TBX21: variants seen among roughly 807,000 people sequenced by gnomAD.
The protein encoded by TBX21 is T-box transcription factor TBX21.
Under a neutral mutation model 52.2 loss-of-function variants are expected in TBX21, and 11 were observed. That is an observed-to-expected ratio of 0.21 (90% CI 0.13 to 0.35). The LOEUF (loss-of-function observed/expected upper bound fraction) is 0.35, where lower values mean the gene tolerates loss of function less well. TBX21 is among the 10% of genes least tolerant of loss of function. TBX21 has a pLI of 1.00. For synonymous variants in TBX21, 300 were observed against 316.1 expected (o/e 0.95, Z 0.54); for missense variants, 625 against 755.1 (o/e 0.83, Z 2.02).
intron 1 of TBX21, among the ~76,000 whole-genome samples, chr17:47,734,589 GTGT>G (rs1567918881): frequency 7.1e-5 from 10 of 140,442 alleles, no homozygotes; most frequent in African/African-American, 2.7e-4. Flanking sequence ...GTGTGTGTGT[GTGT>G]GTGTGTGTGT....
At chr17:47,735,117 A>G (rs763972252) in intron 1 of TBX21, among the ~76,000 whole-genome samples, 3 of 152,000 alleles carry the variant, frequency 2.0e-5, no homozygotes, top group African/African-American at 4.8e-5. Flanking sequence ...GCTGGGTCCC[A>G]GGTCCGAGAG....
intron 1 of TBX21, among the ~76,000 whole-genome samples, chr17:47,736,923 T>C (rs1424765270): frequency 6.6e-6 from 1 of 152,158 alleles, no homozygotes; most frequent in Non-Finnish European, 1.5e-5. Context: ...TGCCTTGAGC[T>C]GACTCACGCC....
At chr17:47,735,224 A>T (rs749907191) in intron 1 of TBX21, among the ~76,000 whole-genome samples, 5 of 152,072 alleles carry the variant, frequency 3.3e-5, no homozygotes, top group Admixed American at 6.5e-5. Context: ...TTGCTGGAAC[A>T]TTCTTCCCTC....
rs183871919 is a variant in TBX21, at chr17:47,738,410, G to A, written c.492-4200G>A. Reference sequence around the variant, plus strand: ...TTTGTCTGGCTGTTTGCCAGTGGCTGTCTGAGTCTATTAAGTGGATCTGAG... The same window carrying A: ...TTTGTCTGGCTGTTTGCCAGTGGCTATCTGAGTCTATTAAGTGGATCTGAG... On this transcript the variant is annotated intron_variant, in intron 1 of 5. Coordinates refer to ENST00000177694, the MANE Select transcript of TBX21 (RefSeq NM_013351.2). 2.4e-3 allele frequency among the ~76,000 whole-genome samples: 366 copies of A among 152,264 alleles called. 3 individuals are homozygous for A. Among genetic ancestry groups the A allele is most frequent in the African/African-American group, 7.9e-3 (327 of 41,548 alleles).
At chr17:47,735,123 G>C (rs1203612521) in intron 1 of TBX21, among the ~76,000 whole-genome samples, 1 of 152,146 alleles carries the variant, frequency 6.6e-6, no homozygotes, top group Non-Finnish European at 1.5e-5. Context: ...TCCCAGGTCC[G>C]AGAGGTGTGG....
intron 1 of TBX21, among the ~76,000 whole-genome samples, chr17:47,736,356 AT>A (rs2032206694): frequency 6.6e-6 from 1 of 152,152 alleles, no homozygotes; most frequent in South Asian, 2.1e-4. Context: ...CATTCTAGAT[AT>A]TATTTTATCT....
chr17:47,738,077 C>T (rs1214105277), intron 1 of TBX21, among the ~76,000 whole-genome samples: 2 of 152,106 alleles, frequency 1.3e-5, no homozygotes, highest in African/African-American at 4.8e-5. Flanking sequence ...AGCCATTGTG[C>T]CCAGCTAAAA....
rs1357881317 is a variant in TBX21, at chr17:47,733,597, G to A, written c.143G>A (p.Arg48His). ...CCGGGCGCGCAGGACGCGGACGAGC[G>A]TCGCGGGGGCGGCAGCCTGGGGTCT... ...PEPGAQDADE[R>H]RGGGSLGSPY... Residue 48 changes from arginine to histidine, a missense_variant, in exon 1 of 6, where the codon CGT (arginine) becomes CAT (histidine). Coordinates refer to ENST00000177694, the MANE Select transcript of TBX21 (RefSeq NM_013351.2). This position sits in a 1 kb window ranked among gnomAD's most constrained non-coding sequence, Gnocchi z 6.6. 2 of 1,452,894 alleles carry A rather than the reference G, an allele frequency of 1.4e-6. No homozygotes were observed. Among genetic ancestry groups the A allele is most frequent in the Non-Finnish European group, 9.0e-7 (1 of 1,111,150 alleles). The allele number at this position is 1,452,894 out of a possible 1,614,324, so 90.0% of individuals were successfully genotyped here.
chr17:47,733,615 T>G lies in TBX21; in HGVS notation c.161T>G (p.Leu54Arg). 2.1e-6 allele frequency: 3 copies of G among 1,453,566 alleles called. No homozygotes were observed. Among genetic ancestry groups the G allele is most frequent in the Non-Finnish European group, 2.7e-6 (3 of 1,109,848 alleles). 90.0% of individuals were successfully genotyped at this position (1,453,566 alleles called of 1,614,324 possible). A position where few individuals can be genotyped will look rare whatever the true frequency, so the allele number is the denominator to read the frequency against. ...DADERRGGGSLGSPYPGGALV... is the reference protein window; with the variant it reads ...DADERRGGGSRGSPYPGGALV... ...GACGAGCGTCGCGGGGGCGGCAGCC[T>G]GGGGTCTCCCTACCCGGGGGGCGCC... The change falls in exon 1 of 6, where the codon CTG (leucine) becomes CGG (arginine). Residue 54 changes from leucine (L) to arginine (R), a missense_variant. Transcript: ENST00000177694. The surrounding 1 kb of genome is among the most constrained non-coding windows in gnomAD (Gnocchi z 6.6).
chr17:47,737,032 C>T (rs2032214632), intron 1 of TBX21, among the ~76,000 whole-genome samples: 1 of 152,106 alleles, frequency 6.6e-6, no homozygotes, highest in Admixed American at 6.5e-5. Flanking sequence ...TGGGGCAGGG[C>T]ACAGGGGGTG....
At chr17:47,743,344 A>G in intron 3 of TBX21, 152 bp downstream of exon 3, 1 of 1,091,644 alleles carries the variant, frequency 9.2e-7, no homozygotes, top group Non-Finnish European at 1.3e-6. Context: ...TCCTAAACGA[A>G]GGGTCATTTT....
rs2032165134 is a variant in TBX21 at position 47,733,545 on chromosome 17, C to G, written c.91C>G (p.Pro31Ala). 4 of 1,490,224 alleles carry G rather than the reference C, an allele frequency of 2.7e-6. No homozygotes were observed. The highest frequency in any genetic ancestry group is 2.7e-6 in the Non-Finnish European group (3 of 1,126,858). 92.3% of individuals were successfully genotyped at this position (1,490,224 alleles called of 1,614,324 possible). A position where few individuals can be genotyped will look rare whatever the true frequency, so the allele number is the denominator to read the frequency against. The change falls in exon 1 of 6, where the codon CCG (proline) becomes GCG (alanine). Residue 31 changes from proline (P) to alanine (A), a missense_variant. Physicochemically the swap from Pro to Ala is conservative, Grantham distance 27 (BLOSUM62 -1). Around this residue, in one of 4 missense-constraint regions of TBX21, gnomAD observed 221 missense variants for 204.9 expected, o/e 1.08. Transcript: ENST00000177694. This position sits in a 1 kb window ranked among gnomAD's most constrained non-coding sequence, Gnocchi z 6.6. Reference protein sequence around the residue: ...SDEGRAPGADPQHRYFYPEPG... With the variant: ...SDEGRAPGADAQHRYFYPEPG... The stretch of plus-strand genomic sequence containing the variant: ...CGAGGGCCGGGCGCCTGGCGCCGAC[C>G]CGCAGCACCGCTACTTCTACCCGGA...
intron 4 of TBX21, 44 bp downstream of exon 4, chr17:47,744,397 G>A (rs764964848): frequency 1.9e-6 from 3 of 1,613,966 alleles, no homozygotes; most frequent in Admixed American, 3.3e-5. Context: ...GCAGAGTGGG[G>A]CCCACTGTCT....
intron 3 of TBX21, among the ~76,000 whole-genome samples, chr17:47,743,855 G>T (rs2032295449): frequency 6.7e-6 from 1 of 148,992 alleles, no homozygotes; most frequent in African/African-American, 2.5e-5. Context: ...ACTCCAGCCT[G>T]GGTGACAGAG....
chr17:47,733,871 C>T lies in TBX21; in HGVS notation c.417C>T (p.Val139=), dbSNP rs533663130. 11 of 1,613,140 alleles carry T rather than the reference C, an allele frequency of 6.8e-6. No individual in the cohort carries two copies. The South Asian group carries it at 1.2e-4, about 18-fold the overall frequency. The part of the protein sequence containing the change: ...AGLEVSGKLR[V]ALNNHLLWSK... ...TGGAGGTGTCGGGGAAACTGAGGGTCGCGCTCAACAACCACCTGTTGTGGT... is the reference window on the plus strand; with the variant it reads ...TGGAGGTGTCGGGGAAACTGAGGGTTGCGCTCAACAACCACCTGTTGTGGT... The change falls in exon 1 of 6, where the codon GTC becomes GTT. Residue 139 remains valine, a synonymous_variant. Transcript: ENST00000177694. The surrounding 1 kb of genome is among the most constrained non-coding windows in gnomAD (Gnocchi z 6.6).
chr17:47,742,295 T>A lies in TBX21; in HGVS notation c.492-315T>A, dbSNP rs1173628600. ...CGGGGTTTCGCCATGTTGGCCAGGC[T>A]GGTCTCGAACTCCTGACCTCAGGTG... On this transcript the variant is annotated intron_variant, in intron 1 of 5. Transcript: ENST00000177694. This position sits in a 1 kb window ranked among gnomAD's most constrained non-coding sequence, Gnocchi z 4.4. Among the ~76,000 whole-genome samples, 1 of 152,200 alleles carries A rather than the reference T, an allele frequency of 6.6e-6. No homozygotes were observed. The highest frequency in any genetic ancestry group is 1.5e-5 in the Non-Finnish European group (1 of 68,030).
intron 1 of TBX21, among the ~76,000 whole-genome samples, chr17:47,736,858 T>A (rs1012122494): frequency 2.0e-5 from 3 of 152,140 alleles, no homozygotes; most frequent in African/African-American, 7.2e-5. Flanking sequence ...CTTCTTCCTT[T>A]TTGAAAGGTT....
rs1018003958 is a variant in TBX21 at position 47,733,928 on chromosome 17, C to T, written c.474C>T (p.Ile158=). 2 of 1,613,444 alleles carry T rather than the reference C, an allele frequency of 1.2e-6. No homozygotes were observed. The highest frequency in any genetic ancestry group is 3.3e-5 in the Admixed American group (2 of 60,010). ...SKFNQHQTEM[I]ITKQGRRMFP... ...TTAATCAGCACCAGACAGAGATGAT[C>T]ATCACCAAGCAGGGACGGTGAGTGC... Residue 158 remains isoleucine, a synonymous_variant, in exon 1 of 6, where the codon ATC becomes ATT. Coordinates refer to ENST00000177694, the MANE Select transcript of TBX21 (RefSeq NM_013351.2). This position sits in a 1 kb window ranked among gnomAD's most constrained non-coding sequence, Gnocchi z 6.6.
At position 47,744,943 on chromosome 17, in the gene TBX21, T is replaced by C; in HGVS notation, c.1185T>C (p.Tyr395=). 1.9e-6 allele frequency: 3 copies of C among 1,614,100 alleles called. No homozygotes were observed. Among genetic ancestry groups the C allele is most frequent in the African/African-American group, 1.3e-5 (1 of 75,030 alleles). The change falls in exon 6 of 6, where the codon TAT becomes TAC. Residue 395 remains tyrosine (Y), a synonymous_variant. Transcript: ENST00000177694. ...TGGGGGCCCCCCGGGACCACAGCTA[T>C]GAGGCTGAGTTTCGAGCAGTCAGCA... ...YWLGAPRDHS[Y]EAEFRAVSMK...
Sources: allele counts gnomAD v4.1 joint callset (sites outside exome capture counted in the v4.1 genomes callset), GRCh38; gene constraint gnomAD v4.1.1; regional missense constraint gnomAD v4.1.1; non-coding constraint Gnocchi (gnomAD v3.1); transcripts MANE v1.5; gene names NCBI Gene and HGNC (gene_info 2026-07-23, HGNC 2026-07-21).